LARS2: variants seen among roughly 807,000 people sequenced by gnomAD.
LARS2 encodes leucine--tRNA ligase, mitochondrial.
Under a neutral mutation model 116.6 loss-of-function variants are expected in LARS2, and 81 were observed. That is an observed-to-expected ratio of 0.69 (90% CI 0.58 to 0.84). The LOEUF (loss-of-function observed/expected upper bound fraction) is 0.84. Ranked by LOEUF, LARS2 falls within the 40% of genes least tolerant of loss-of-function variation. LARS2 has a pLI of 0.00. For missense variants in LARS2, 968 were observed against 1,114.5 expected (o/e 0.87, Z 1.87); for synonymous variants, 396 against 407.2 (o/e 0.97, Z 0.33).
At chr3:45,400,484 C>A in intron 4 of LARS2, 111 bp downstream of exon 4, 2 of 1,069,270 alleles carry the variant, frequency 1.9e-6, no homozygotes, top group Non-Finnish European at 2.6e-6. Context: ...AAGATTAGGA[C>A]AGCTTTGAAG....
At chr3:45,536,175 G>A (rs1700702498) in intron 20 of LARS2, among the ~76,000 whole-genome samples, 1 of 152,036 alleles carries the variant, frequency 6.6e-6, no homozygotes, top group Non-Finnish European at 1.5e-5. Flanking sequence ...AGGCCTGAGT[G>A]CAGTGGCATG....
intron 6 of LARS2, among the ~76,000 whole-genome samples, chr3:45,424,656 A>G (rs1698564508): frequency 6.6e-6 from 1 of 152,150 alleles, no homozygotes; most frequent in Non-Finnish European, 1.5e-5. Context: ...TTCCATCTGT[A>G]TTTTGATGCT....
chr3:45,437,901 G>A (rs1322730903), intron 6 of LARS2, among the ~76,000 whole-genome samples: 1 of 152,094 alleles, frequency 6.6e-6, no homozygotes, highest in Admixed American at 6.5e-5. Context: ...TTCAGGAGGG[G>A]ATGAAGACAG....
chr3:45,457,797 G>A (rs1016303246), intron 7 of LARS2, among the ~76,000 whole-genome samples: 1 of 152,194 alleles, frequency 6.6e-6, no homozygotes, highest in South Asian at 2.1e-4. Flanking sequence ...TCATAAAGGC[G>A]TGAATGTAGA....
chr3:45,488,787 C>CAG lies in LARS2; in HGVS notation c.1220_1221dup (p.Leu408AspfsTer2). ...GTCATTGAAACTTTGCCAGATGGCA[C>CAG]AGAGAGACTGAGCAGCTCTGCTGAG... On this transcript the variant is annotated frameshift_variant, in exon 12 of 22. Coordinates refer to ENST00000645846, the MANE Select transcript of LARS2 (RefSeq NM_015340.4). LOFTEE classifies it high-confidence loss of function. 1 of 1,612,212 alleles carries CAG rather than the reference C, an allele frequency of 6.2e-7. No homozygotes were observed. The highest frequency in any genetic ancestry group is 8.5e-7 in the Non-Finnish European group (1 of 1,178,242).
At chr3:45,461,979 T>C (rs1220449373) in intron 8 of LARS2, among the ~76,000 whole-genome samples, 2 of 152,172 alleles carry the variant, frequency 1.3e-5, no homozygotes, top group Admixed American at 6.5e-5. Flanking sequence ...AAAGATTGAG[T>C]GAGATAGGAC....
rs74824451 is a variant in LARS2, at chr3:45,410,747, C to T, written c.364-6735C>T. Among the ~76,000 whole-genome samples the T allele has an allele frequency of 6.6e-5, 10 of 152,326 alleles. No individual in the cohort carries two copies. In the East Asian group the frequency reaches 1.7e-3, roughly 26 times the overall value. On this transcript the variant is annotated intron_variant, in intron 4 of 21. Coordinates refer to ENST00000645846, the MANE Select transcript of LARS2 (RefSeq NM_015340.4). ...TTCTGACCAAGGAGAAAAGAGAGCC[C>T]TGTCCTCCTCCAGCGTTCCGCCTTA... is the stretch of plus-strand genomic sequence containing the variant.
intron 15 of LARS2, among the ~76,000 whole-genome samples, chr3:45,502,263 G>A (rs941064128): frequency 6.6e-6 from 1 of 151,804 alleles, no homozygotes; most frequent in Admixed American, 6.6e-5. Context: ...TGATTTGTAA[G>A]GGGTTCTTTA....
At chr3:45,484,640 T>TATATATATATATATATATATATATATAC (rs1241694718) in intron 10 of LARS2, among the ~76,000 whole-genome samples, 4 of 83,060 alleles carry the variant, frequency 4.8e-5, no homozygotes, top group Non-Finnish European at 9.7e-5. Flanking sequence ...AATATATATA[T>TATATATATATATATATATATATATATAC]ATATATATTT....
chr3:45,473,985 A>T (rs534036386), intron 8 of LARS2, among the ~76,000 whole-genome samples: 1 of 152,104 alleles, frequency 6.6e-6, no homozygotes, highest in Non-Finnish European at 1.5e-5. Flanking sequence ...TTGTTTGTTA[A>T]TTTTCTTCTT....
At chr3:45,407,686 T>G (rs1698253294) in intron 4 of LARS2, among the ~76,000 whole-genome samples, 1 of 152,226 alleles carries the variant, frequency 6.6e-6, no homozygotes, top group Admixed American at 6.5e-5. Flanking sequence ...TAGCAGTTTT[T>G]GGAGAAGCAG....
At chr3:45,401,268 C>G (rs1213752029) in intron 4 of LARS2, among the ~76,000 whole-genome samples, 1 of 152,080 alleles carries the variant, frequency 6.6e-6, no homozygotes, top group Non-Finnish European at 1.5e-5. Flanking sequence ...TTGGGAGGCC[C>G]AGGCAGGAGG....
intron 20 of LARS2, among the ~76,000 whole-genome samples, chr3:45,536,986 G>A (rs984058515): frequency 1.3e-5 from 2 of 152,056 alleles, no homozygotes; most frequent in African/African-American, 4.8e-5. Context: ...ACCAGTGAAT[G>A]TAGTGATGGG....
intron 20 of LARS2, among the ~76,000 whole-genome samples, chr3:45,540,185 G>A (rs1338484412): frequency 1.3e-5 from 2 of 152,038 alleles, no homozygotes; most frequent in Non-Finnish European, 2.9e-5. Flanking sequence ...CTTGAACCTG[G>A]GAGGCAGAGG....
intron 3 of LARS2, among the ~76,000 whole-genome samples, chr3:45,399,842 C>T (rs1698113841): frequency 1.3e-5 from 2 of 151,944 alleles, no homozygotes; most frequent in Non-Finnish European, 2.9e-5. Context: ...TCTTATGCCT[C>T]ATAGCTTAGC....
chr3:45,471,880 C>T (rs1359767397), intron 8 of LARS2, among the ~76,000 whole-genome samples: 5 of 152,138 alleles, frequency 3.3e-5, no homozygotes, highest in African/African-American at 9.7e-5. Flanking sequence ...TGTTTATTAA[C>T]ATATTAGTAT....
At chr3:45,483,326 T>A (rs183750764) in intron 10 of LARS2, among the ~76,000 whole-genome samples, 2 of 152,312 alleles carry the variant, frequency 1.3e-5, no homozygotes, top group African/African-American at 2.4e-5. Flanking sequence ...ATTGCAAAAT[T>A]TGCAAATACA....
At chr3:45,399,539 A>G (rs1419535235) in intron 3 of LARS2, among the ~76,000 whole-genome samples, 1 of 151,504 alleles carries the variant, frequency 6.6e-6, no homozygotes, top group Non-Finnish European at 1.5e-5. Flanking sequence ...TTTCCTAATA[A>G]TCTTGCTTTC....
intron 1 of LARS2, among the ~76,000 whole-genome samples, chr3:45,391,068 G>A (rs1203486156): frequency 1.3e-5 from 2 of 152,094 alleles, no homozygotes; most frequent in Admixed American, 1.3e-4. Context: ...TTCCAATTCT[G>A]TTCTTAATGG....
Sources: gnomAD v4.1 joint callset for allele counts (sites outside exome capture counted in the v4.1 genomes callset) on GRCh38, gnomAD v4.1.1 for gene constraint, MANE v1.5 for transcripts, NCBI Gene and HGNC (gene_info 2026-07-23, HGNC 2026-07-21) for gene names.